Variants in PRKCZ observed in about 807,000 individuals in gnomAD.
PRKCZ encodes the protein protein kinase C zeta, also known as protein kinase C zeta type.
PRKCZ carries 33 observed loss-of-function variants against 79.5 expected under a neutral mutation model. The ratio of observed to expected loss-of-function variants is 0.41; its 90% confidence interval spans 0.31 to 0.55. The LOEUF (loss-of-function observed/expected upper bound fraction) is 0.55, where lower values mean the gene tolerates loss of function less well. Among genes scored for constraint, PRKCZ ranks in the 20% least tolerant of loss-of-function variants. PRKCZ has a pLI of 0.19. For synonymous variants in PRKCZ, 342 were observed against 320.9 expected, an observed-to-expected ratio of 1.07 and a Z score of -0.70; for missense variants, 578 against 813.5, an observed-to-expected ratio of 0.71 and a Z score of 3.52.
chr1:2,064,955 A>G (rs983112779), intron 4 of PRKCZ, among the ~76,000 whole-genome samples: 4 of 152,254 alleles, frequency 2.6e-5, no homozygotes, highest in African/African-American at 9.6e-5. Context: ...TGACATCTTA[A>G]CAGTATGAAG....
chr1:2,066,850 G>A (rs187223262), intron 4 of PRKCZ, among the ~76,000 whole-genome samples: 94 of 152,346 alleles, frequency 6.2e-4, no homozygotes, highest in African/African-American at 2.0e-3. Flanking sequence ...GAGGCCAGGA[G>A]TTGGAGACCA....
chr1:2,110,953 G>A (rs1267254705), intron 4 of PRKCZ, among the ~76,000 whole-genome samples: 3 of 152,070 alleles, frequency 2.0e-5, no homozygotes, highest in Non-Finnish European at 4.4e-5. Context: ...ACGTCCCTGC[G>A]GCCTTCCCCT....
At position 2,151,125 on chromosome 1, in the gene PRKCZ, A is replaced by G. The variant is rs140277822; in HGVS notation, c.876+147A>G. The stretch of plus-strand genomic sequence containing the variant: ...CAAAATCAATAGTCATGCATCGTGT[A>G]ATGACCAGGATGTGTTCTGGAAAGT... On this transcript the variant is annotated intron_variant, in intron 9 of 17. Coordinates refer to ENST00000378567, the MANE Select transcript of PRKCZ (RefSeq NM_002744.6). 3.9e-6 allele frequency: 4 copies of G among 1,026,194 alleles called. No individual in the cohort carries two copies. The East Asian group carries it at 7.8e-5, about 20-fold the overall frequency. The allele number at this position is 1,026,194 out of a possible 1,614,324, so 63.6% of individuals were successfully genotyped here.
intron 4 of PRKCZ, among the ~76,000 whole-genome samples, chr1:2,078,962 C>A (rs1272141629): frequency 6.6e-6 from 1 of 152,022 alleles, no homozygotes; most frequent in Non-Finnish European, 1.5e-5. Context: ...CCTGCCTCAG[C>A]CTCCTGAGTA....
rs980665357 is a variant in PRKCZ, at chr1:2,177,290, C to T, written c.1575+1977C>T. On this transcript the variant is annotated intron_variant, in intron 16 of 17. Transcript: ENST00000378567. The surrounding 1 kb of genome is among the most constrained non-coding windows in gnomAD (Gnocchi z 6.4). ...CCGTAGCAGGTGCTTAGTAGAATTA[C>T]GTGAGGAGCCAGCATCCCCGCTCCC... Among the ~76,000 whole-genome samples, 4 of 152,166 alleles carry T rather than the reference C, an allele frequency of 2.6e-5. No individual in the cohort carries two copies. The South Asian group carries it at 6.2e-4, about 24-fold the overall frequency.
In PRKCZ at chr1:2,082,907, G is replaced by A. The variant is rs76704642; in HGVS notation, c.334+23316G>A. 0.011 allele frequency among the ~76,000 whole-genome samples: 1,627 copies of A among 151,052 alleles called. 23 individuals carry two copies. Among genetic ancestry groups the A allele is most frequent in the Non-Finnish European group, 0.014 (939 of 67,662 alleles). On this transcript the variant is annotated intron_variant, in intron 4 of 17. Coordinates refer to ENST00000378567, the MANE Select transcript of PRKCZ (RefSeq NM_002744.6). This position sits in a 1 kb window ranked among gnomAD's most constrained non-coding sequence, Gnocchi z 4.4. ...AAGGGAGAGGGTGGAGAGGGTGGCA[G>A]TGAGGGCGCGAGAGGGTGGAGGGGC...
chr1:2,154,460 A>T lies in PRKCZ; in HGVS notation c.877-1535A>T, dbSNP rs551228748. 1.1e-4 allele frequency among the ~76,000 whole-genome samples: 17 copies of T among 152,256 alleles called. No individual in the cohort carries two copies. In the East Asian group the frequency reaches 3.3e-3, roughly 29 times the overall value. ...TGACACAGTCTCAGAGGCTAAATAG[A>T]TACTCACTAATGGTTTGTTGATTTG... On this transcript the variant is annotated intron_variant, in intron 9 of 17. Coordinates refer to ENST00000378567, the MANE Select transcript of PRKCZ (RefSeq NM_002744.6).
At chr1:2,062,374 C>T (rs1050479649) in intron 4 of PRKCZ, among the ~76,000 whole-genome samples, 9 of 152,144 alleles carry the variant, frequency 5.9e-5, no homozygotes, top group African/African-American at 2.2e-4. Context: ...TAGTGGCTTT[C>T]ACCCGCCTGA....
intron 16 of PRKCZ, chr1:2,182,192 AG>A (rs1686735828): frequency 9.0e-6 from 2 of 223,208 alleles, no homozygotes; most frequent in South Asian, 1.0e-4. Flanking sequence ...TTCCGTTCCC[AG>A]TTTGGCTTTT....
At chr1:2,143,443 G>T (rs1199811060) in intron 5 of PRKCZ, 1 of 152,252 alleles carries the variant, frequency 6.6e-6, no homozygotes, top group African/African-American at 2.4e-5. Flanking sequence ...GAAAGAATCT[G>T]AATTGGAGGC....
chr1:2,137,656 T>G (rs1190380771), intron 5 of PRKCZ, among the ~76,000 whole-genome samples: 3 of 152,162 alleles, frequency 2.0e-5, no homozygotes, highest in African/African-American at 4.8e-5. Flanking sequence ...ACCCACCCAG[T>G]GACATGGGCC....
rs113917197 is a variant in PRKCZ at position 2,069,911 on chromosome 1, G to A, written c.334+10320G>A. ...CATGGGACAGGGTGGTCCCCAGTCA[G>A]GCCCCATTGGCCTCCCTGTGGTGTG... is the stretch of plus-strand genomic sequence containing the variant. On this transcript the variant is annotated intron_variant, in intron 4 of 17. Coordinates refer to ENST00000378567, the MANE Select transcript of PRKCZ (RefSeq NM_002744.6). 1.6e-3 allele frequency among the ~76,000 whole-genome samples: 247 copies of A among 152,300 alleles called. 1 individual carries two copies. The highest frequency in any genetic ancestry group is 5.8e-3 in the African/African-American group (243 of 41,560).
At chr1:2,093,364 G>A (rs1665856139) in intron 4 of PRKCZ, among the ~76,000 whole-genome samples, 2 of 152,134 alleles carry the variant, frequency 1.3e-5, no homozygotes, top group African/African-American at 4.8e-5. Context: ...CCGCCCTGGG[G>A]CAGGTCAGAC....
chr1:2,073,151 C>T (rs571442927), intron 4 of PRKCZ, among the ~76,000 whole-genome samples: 58 of 152,132 alleles, frequency 3.8e-4, no homozygotes, highest in African/African-American at 1.2e-3. Context: ...CTTGGGAATG[C>T]GGGTGTCTCC....
chr1:2,146,198 C>A, intron 7 of PRKCZ, 90 bp downstream of exon 7: 4 of 1,282,576 alleles, frequency 3.1e-6, no homozygotes, highest in Admixed American at 3.6e-5. Context: ...CTTTCTCAGT[C>A]CCATCTGCTC....
intron 4 of PRKCZ, among the ~76,000 whole-genome samples, chr1:2,084,029 C>G (rs192510941): frequency 6.6e-6 from 1 of 152,088 alleles, no homozygotes; most frequent in Non-Finnish European, 1.5e-5. Context: ...GTCAGGAGTT[C>G]GAGACCAGCC....
chr1:2,180,502 A>C (rs972263785), intron 16 of PRKCZ, among the ~76,000 whole-genome samples: 1 of 150,230 alleles, frequency 6.7e-6, no homozygotes, highest in Non-Finnish European at 1.5e-5. Context: ...ACGCGGACGC[A>C]CAGATGACGT....
At chr1:2,130,117 G>T (rs1349131742) in intron 4 of PRKCZ, among the ~76,000 whole-genome samples, 1 of 152,100 alleles carries the variant, frequency 6.6e-6, no homozygotes, top group African/African-American at 2.4e-5. Context: ...TATTGCCTAG[G>T]CTGGATTCAA....
chr1:2,149,042 A>C lies in PRKCZ; in HGVS notation c.687+118A>C. The C allele has an allele frequency of 3.5e-6, 4 of 1,135,306 alleles. No individual in the cohort carries two copies. 70.3% of individuals were successfully genotyped at this position (1,135,306 alleles called of 1,614,324 possible). ...AATAGACATGGTCCGGGGTGTTGCT[A>C]ACTAATCTTCACGGGTGTGGATGTC... On this transcript the variant is annotated intron_variant, in intron 8 of 17. Transcript: ENST00000378567. This position sits in a 1 kb window ranked among gnomAD's most constrained non-coding sequence, Gnocchi z 4.1.
Sources: allele counts gnomAD v4.1 joint callset (sites outside exome capture counted in the v4.1 genomes callset), GRCh38; gene constraint gnomAD v4.1.1; non-coding constraint Gnocchi (gnomAD v3.1); transcripts MANE v1.5; gene names NCBI Gene and HGNC (gene_info 2026-07-23, HGNC 2026-07-21).